VPS13A: variants seen among roughly 807,000 people sequenced by gnomAD.
VPS13A encodes the protein intermembrane lipid transfer protein VPS13A.
Under a neutral mutation model 390.9 loss-of-function variants are expected in VPS13A, and 264 were observed. The ratio of observed to expected loss-of-function variants is 0.68; its 90% CI spans 0.61 to 0.75. The LOEUF (loss-of-function observed/expected upper bound fraction) is 0.75, where lower values mean the gene tolerates loss of function less well. Among genes scored for constraint, VPS13A ranks in the 30% least tolerant of loss-of-function variants. The pLI is 0.00. For synonymous variants in VPS13A, 1,231 were observed against 1,227.1 expected (o/e 1.00, Z -0.07); for missense variants, 3,409 against 3,733.9 (o/e 0.91, Z 2.27).
At chr9:77,408,502 A>T (rs1834737683) in intron 71 of VPS13A, among the ~76,000 whole-genome samples, 1 of 152,226 alleles carries the variant, frequency 6.6e-6, no homozygotes, top group South Asian at 2.1e-4. Flanking sequence ...GCATCACCTC[A>T]CCCAGGAAGT....
intron 68 of VPS13A, chr9:77,389,963 T>C: frequency 2.3e-6 from 1 of 435,422 alleles, no homozygotes; most frequent in Non-Finnish European, 3.1e-6. Flanking sequence ...ATTACAGATG[T>C]TTATAATTAG....
chr9:77,288,746 A>C (rs12002295), intron 31 of VPS13A, among the ~76,000 whole-genome samples: 3,313 of 152,266 alleles, frequency 0.022, 86 homozygotes, highest in African/African-American at 0.062. Flanking sequence ...GCTGGGTTGA[A>C]TGTTCCATTT....
chr9:77,303,313 G>T (rs1828489489), intron 34 of VPS13A, among the ~76,000 whole-genome samples: 2 of 152,188 alleles, frequency 1.3e-5, no homozygotes, highest in African/African-American at 2.4e-5. Flanking sequence ...CCAGTCTAAT[G>T]CAGGGGTTGG....
chr9:77,345,413 CTG>C (rs1216588631), intron 52 of VPS13A, among the ~76,000 whole-genome samples: 1 of 152,156 alleles, frequency 6.6e-6, no homozygotes, highest in East Asian at 1.9e-4. Flanking sequence ...GATGAGGAGT[CTG>C]TCAGAGTTTG....
Position 77,307,951 on chromosome 9 carries a change from C to A in VPS13A, c.3967C>A (p.Leu1323Ile). ...AATCTTTTTTTTTTAACAGTTCATT[C>A]TTAGTCAAGAAGATATAACAACTAT... ...NAQLKPMEFI[L>I]SQEDITTIFK... is the part of the protein sequence containing the mutation. Residue 1323 changes from leucine to isoleucine, a missense_variant, in exon 35 of 72, where the codon CTT becomes ATT. Leu to Ile is a conservative substitution (Grantham distance 5). Coordinates refer to ENST00000360280, the MANE Select transcript of VPS13A (RefSeq NM_033305.3). The A allele has an allele frequency of 6.3e-7, 1 of 1,583,370 alleles. No homozygotes were observed. Among genetic ancestry groups the A allele is most frequent in the Non-Finnish European group, 8.7e-7 (1 of 1,153,090 alleles).
In VPS13A at chr9:77,321,246, T is replaced by A; in HGVS notation, c.5493T>A (p.Thr1831=). The change falls in exon 43 of 72, where the codon ACT becomes ACA. Residue 1831 remains threonine (T), a synonymous_variant. Transcript: ENST00000360280. ...ACTACAAAGTGCCAGAATATAAAACTGTCATCAGTTTCCATTCAAAAGACC... is the reference window on the plus strand; with the variant it reads ...ACTACAAAGTGCCAGAATATAAAACAGTCATCAGTTTCCATTCAAAAGACC... ...EENYKVPEYK[T]VISFHSKDQL... The A allele has an allele frequency of 6.2e-7, 1 of 1,612,124 alleles. No homozygotes were observed. Among genetic ancestry groups the A allele is most frequent in the Non-Finnish European group, 8.5e-7 (1 of 1,178,848 alleles).
At chr9:77,286,868 G>A (rs952712910) in intron 31 of VPS13A, among the ~76,000 whole-genome samples, 1 of 152,048 alleles carries the variant, frequency 6.6e-6, no homozygotes. Flanking sequence ...AGAAGTGGAG[G>A]CCTCATCATT....
At chr9:77,204,132 A>T (rs1027065483) in intron 3 of VPS13A, among the ~76,000 whole-genome samples, 1 of 152,228 alleles carries the variant, frequency 6.6e-6, no homozygotes, top group African/African-American at 2.4e-5. Flanking sequence ...AGTTTATAAA[A>T]TATCATGAGA....
At chr9:77,302,364 TCC>T (rs372602147) in intron 33 of VPS13A, among the ~76,000 whole-genome samples, 37 of 140,220 alleles carry the variant, frequency 2.6e-4, no homozygotes, top group Non-Finnish European at 2.0e-4. Flanking sequence ...TACATATTTT[TCC>T]CCTTTTTTTT....
intron 10 of VPS13A, among the ~76,000 whole-genome samples, chr9:77,215,969 C>T (rs114602438): frequency 3.0e-4 from 46 of 152,250 alleles, no homozygotes; most frequent in African/African-American, 9.6e-4. Flanking sequence ...TGCATAAGGC[C>T]GGTGCTGAAG....
At chr9:77,256,573 G>C (rs1797542827) in intron 22 of VPS13A, among the ~76,000 whole-genome samples, 1 of 152,020 alleles carries the variant, frequency 6.6e-6, no homozygotes, top group Non-Finnish European at 1.5e-5. Flanking sequence ...ATTCAGTATT[G>C]ACAGTGAGAT....
In VPS13A at chr9:77,191,133, AGTT is replaced by A. The variant is rs1306656728; in HGVS notation, c.101-8808_101-8806del. 2.6e-5 allele frequency among the ~76,000 whole-genome samples: 4 copies of A among 151,912 alleles called. 1 individual carries two copies. Among genetic ancestry groups the A allele is most frequent in the Non-Finnish European group, 5.9e-5 (4 of 67,976 alleles). ...TTCTAGTTCCTCTAGGCATGATGTT[AGTT>A]GTTAACTTTATATCTTTCTAACATT... On this transcript the variant is annotated intron_variant, in intron 1 of 71. Coordinates refer to ENST00000360280, the MANE Select transcript of VPS13A (RefSeq NM_033305.3).
chr9:77,321,357 T>C, intron 43 of VPS13A, 30 bp downstream of exon 43: 1 of 1,587,204 alleles, frequency 6.3e-7, no homozygotes, highest in African/African-American at 1.3e-5. Flanking sequence ...ACTTTAAATA[T>C]TGAGATACTT....
At chr9:77,366,908 A>G in intron 61 of VPS13A, 36 bp downstream of exon 61, 1 of 1,601,558 alleles carries the variant, frequency 6.2e-7, no homozygotes, top group Non-Finnish European at 8.5e-7. Context: ...ATTGATGGAA[A>G]TATTTCTATT....
intron 17 of VPS13A, among the ~76,000 whole-genome samples, chr9:77,229,026 G>T (rs999910176): frequency 1.3e-5 from 2 of 152,162 alleles, no homozygotes; most frequent in Admixed American, 6.5e-5. Context: ...GATTTGGGTC[G>T]GGACACAGAG....
intron 18 of VPS13A, 21 bp downstream of exon 18, chr9:77,238,212 C>T (rs1824267359): frequency 1.2e-6 from 2 of 1,608,782 alleles, no homozygotes; most frequent in Non-Finnish European, 8.5e-7. Flanking sequence ...TTTTAAATTA[C>T]TAAGTTTTAA....
chr9:77,260,803 T>C (rs971375010), intron 23 of VPS13A, among the ~76,000 whole-genome samples: 1 of 152,212 alleles, frequency 6.6e-6, no homozygotes, highest in Non-Finnish European at 1.5e-5. Flanking sequence ...TTCTCTAGTT[T>C]TTAAAAAAAT....
intron 29 of VPS13A, among the ~76,000 whole-genome samples, chr9:77,282,690 A>G (rs1827109478): frequency 6.6e-6 from 1 of 152,110 alleles, no homozygotes; most frequent in Admixed American, 6.6e-5. Context: ...CCAGTGACCC[A>G]GGGAGGTGAG....
At chr9:77,273,560 TCATGGGTA>T (rs1158952442) in intron 24 of VPS13A, among the ~76,000 whole-genome samples, 196 bp downstream of exon 24, 1 of 152,170 alleles carries the variant, frequency 6.6e-6, no homozygotes, top group Non-Finnish European at 1.5e-5. Context: ...CATTCATATT[TCATGGGTA>T]CATGCAAGAA....
Sources: allele counts gnomAD v4.1 joint callset (sites outside exome capture counted in the v4.1 genomes callset), GRCh38; gene constraint gnomAD v4.1.1; transcripts MANE v1.5; gene names NCBI Gene and HGNC (gene_info 2026-07-23, HGNC 2026-07-21).